The following DGKB variants were observed in gnomAD, a reference collection of about 807,000 sequenced individuals.
DGKB encodes 90 kDa diacylglycerol kinase.
In DGKB, 67 loss-of-function variants were observed where a neutral mutation model predicts 114.3. That is an observed-to-expected ratio of 0.59 (90% CI 0.48 to 0.72). DGKB has a LOEUF of 0.72. DGKB is among the 30% of genes least tolerant of loss of function. The pLI is 0.00. For synonymous variants in DGKB, 398 were observed against 323.1 expected, an observed-to-expected ratio of 1.23 and a Z score of -2.49; for missense variants, 907 against 975.2, an observed-to-expected ratio of 0.93 and a Z score of 0.93.
chr7:14,548,776 CA>C (rs1287611310), intron 20 of DGKB, among the ~76,000 whole-genome samples: 2 of 151,946 alleles, frequency 1.3e-5, no homozygotes, highest in Admixed American at 6.6e-5. Context: ...AATTAGGAGG[CA>C]CGGTGATTGC....
intron 23 of DGKB, among the ~76,000 whole-genome samples, chr7:14,317,886 T>C (rs1806906172): frequency 2.7e-5 from 1 of 36,402 alleles, no homozygotes; most frequent in Non-Finnish European, 6.2e-5. Context: ...CTTCAAACTA[T>C]ACTACAAGGC....
At chr7:14,519,422 A>G (rs1334302983) in intron 20 of DGKB, among the ~76,000 whole-genome samples, 1 of 152,090 alleles carries the variant, frequency 6.6e-6, no homozygotes, top group Non-Finnish European at 1.5e-5. Flanking sequence ...ACATAGCAAT[A>G]TTTTGTTTCT....
At chr7:14,187,928 C>A (rs1159440934) in intron 23 of DGKB, among the ~76,000 whole-genome samples, 4 of 151,642 alleles carry the variant, frequency 2.6e-5, no homozygotes, top group East Asian at 1.9e-4. Flanking sequence ...TATAAGAGAA[C>A]ACAGAGAAAC....
chr7:14,692,384 G>A (rs1009149034), intron 9 of DGKB, among the ~76,000 whole-genome samples: 3 of 151,722 alleles, frequency 2.0e-5, no homozygotes, highest in South Asian at 2.1e-4. Context: ...TGTCCTTCTC[G>A]GGAATCATTA....
At chr7:14,480,288 T>C (rs949958842) in intron 20 of DGKB, among the ~76,000 whole-genome samples, 1 of 152,090 alleles carries the variant, frequency 6.6e-6, no homozygotes, top group African/African-American at 2.4e-5. Context: ...CAATGGATCA[T>C]TTAGTTAAGA....
intron 1 of DGKB, among the ~76,000 whole-genome samples, chr7:14,856,736 T>C (rs776002997): frequency 6.6e-6 from 1 of 152,122 alleles, no homozygotes; most frequent in Non-Finnish European, 1.5e-5. Flanking sequence ...TAATTTTTCA[T>C]TATTAAAACC....
intron 1 of DGKB, among the ~76,000 whole-genome samples, chr7:14,852,494 A>AAAAAAAAAAAAAAAAAAAAAAAAAAAG (rs1187968977): frequency 6.1e-5 from 9 of 148,634 alleles, no homozygotes; most frequent in East Asian, 1.9e-4. Flanking sequence ...AGTCAAAAAA[A>AAAAAAAAAAAAAAAAAAAAAAAAAAAG]AAACAGAAAT....
chr7:14,734,264 C>T (rs1416738123), intron 5 of DGKB, among the ~76,000 whole-genome samples: 3 of 151,806 alleles, frequency 2.0e-5, no homozygotes, highest in Admixed American at 6.6e-5. Context: ...TGGTCTCAAA[C>T]TCCTGACCTT....
At chr7:14,751,112 C>G (rs1211566146) in intron 4 of DGKB, among the ~76,000 whole-genome samples, 1 of 151,608 alleles carries the variant, frequency 6.6e-6, no homozygotes, top group East Asian at 1.9e-4. Flanking sequence ...CATACCTGGC[C>G]AAAAAAGCCA....
intron 13 of DGKB, among the ~76,000 whole-genome samples, chr7:14,647,836 C>T (rs990227563): frequency 7.2e-4 from 109 of 152,256 alleles, no homozygotes; most frequent in African/African-American, 2.1e-3. Context: ...ACTTGGGAAG[C>T]GCAAGGGGTC....
At chr7:14,771,847 A>T (rs1198441723) in intron 2 of DGKB, among the ~76,000 whole-genome samples, 1 of 152,000 alleles carries the variant, frequency 6.6e-6, no homozygotes, top group Non-Finnish European at 1.5e-5. Flanking sequence ...AGCGCCAGGC[A>T]CCCTTTTAGG....
chr7:14,504,146 A>G (rs1786643905), intron 20 of DGKB, among the ~76,000 whole-genome samples: 1 of 152,184 alleles, frequency 6.6e-6, no homozygotes, highest in South Asian at 2.1e-4. Flanking sequence ...AACAAAACAG[A>G]CTAGCTGTAC....
chr7:14,697,343 T>G (rs1170895690), intron 8 of DGKB, among the ~76,000 whole-genome samples: 1 of 152,000 alleles, frequency 6.6e-6, no homozygotes, highest in Non-Finnish European at 1.5e-5. Context: ...CCTCAGAGAG[T>G]TGAAAGCAAT....
rs189966164 is a variant in DGKB at position 14,294,485 on chromosome 7, T to A, written c.2122+44030A>T. ...AGCCACTATGATATAAAGATTACCA[T>A]ACTTGGCCAAATGAATAAATTGAGA... On this transcript the variant is annotated intron_variant, in intron 23 of 25. Coordinates refer to ENST00000402815, the MANE Select transcript of DGKB (RefSeq NM_001350709.2). Among the ~76,000 whole-genome samples, 299 of 152,302 alleles carry A rather than the reference T, an allele frequency of 2.0e-3. 1 individual carries two copies. Among genetic ancestry groups the A allele is most frequent in the Non-Finnish European group, 3.7e-3 (254 of 68,030 alleles).
rs746654656 is a variant in DGKB at position 14,574,340 on chromosome 7, T to C, written c.1642A>G (p.Lys548Glu). 3 of 1,613,060 alleles carry C rather than the reference T, an allele frequency of 1.9e-6. No homozygotes were observed. Among genetic ancestry groups the C allele is most frequent in the African/African-American group, 1.3e-5 (1 of 75,008 alleles). Residue 548 changes from lysine to glutamate, a missense_variant, in exon 20 of 26, where the codon AAA (lysine) becomes GAA (glutamate). Lys to Glu is a moderately conservative substitution (Grantham distance 56). Transcript: ENST00000402815. ...ATTTCTGTGCTGTTTTCAATGTCTT[T>C]TAGAATTTTCATCAGATTCTCACCT... is the stretch of plus-strand genomic sequence containing the variant. Reference protein sequence around the residue: ...YEGENLMKILKDIENSTEIML... With the variant: ...YEGENLMKILEDIENSTEIML...
intron 25 of DGKB, among the ~76,000 whole-genome samples, chr7:14,155,519 C>T (rs930776393): frequency 1.3e-5 from 2 of 152,044 alleles, no homozygotes; most frequent in African/African-American, 4.8e-5. Flanking sequence ...CATCATCTCT[C>T]TGACAGCAGA....
chr7:14,417,629 A>G (rs1018714175), intron 21 of DGKB, among the ~76,000 whole-genome samples: 2 of 151,950 alleles, frequency 1.3e-5, no homozygotes, highest in African/African-American at 4.8e-5. Context: ...TCTGCAGCTC[A>G]ATTTTGGTTA....
intron 1 of DGKB, among the ~76,000 whole-genome samples, chr7:14,951,768 G>C (rs949317452): frequency 6.6e-6 from 1 of 151,752 alleles, no homozygotes; most frequent in Non-Finnish European, 1.5e-5. Context: ...ATTGAGGGGG[G>C]TATATAGAAC....
At position 14,148,913 on chromosome 7, in the gene DGKB, G is replaced by A; in HGVS notation, c.*218C>T. ...ACCAAAAATATGCAGTATCACTTCA[G>A]GTAAACTTCTGCTTTCTTCATGCAA... On this transcript the variant is annotated 3_prime_UTR_variant, in exon 26 of 26. Transcript: ENST00000402815. The A allele has an allele frequency of 1.8e-6, 1 of 564,888 alleles. No individual in the cohort carries two copies. Among genetic ancestry groups the A allele is most frequent in the Non-Finnish European group, 3.1e-6 (1 of 319,942 alleles). The allele number at this position is 564,888 out of a possible 1,614,324, so 35.0% of individuals were successfully genotyped here. A position where few individuals can be genotyped will look rare whatever the true frequency, so the allele number is the denominator to read the frequency against.
Sources: allele counts gnomAD v4.1 joint callset (sites outside exome capture counted in the v4.1 genomes callset), GRCh38; gene constraint gnomAD v4.1.1; transcripts MANE v1.5; gene names NCBI Gene and HGNC (gene_info 2026-07-23, HGNC 2026-07-21).